Variants in LRRC37A observed in about 807,000 individuals in gnomAD.
The protein encoded by LRRC37A is leucine rich repeat containing 37A.
Under a neutral mutation model 35.4 loss-of-function variants are expected in LRRC37A, and 3 were observed. That is an observed-to-expected ratio of 0.08 (90% CI 0.04 to 0.22). The LOEUF (loss-of-function observed/expected upper bound fraction) is 0.22. Ranked by LOEUF, LRRC37A falls within the 10% of genes least tolerant of loss-of-function variation. The probability of loss-of-function intolerance (pLI) is 1.00; values close to 1 mark genes in which losing one functional copy is unlikely to be tolerated. For synonymous variants in LRRC37A, 23 were observed against 215.0 expected (o/e 0.11, Z 7.81); for missense variants, 67 against 565.3 (o/e 0.12, Z 8.94).
At chr17:46,283,655 G>A in the LRRC37A span, among the ~76,000 whole-genome samples, 33 of 152,282 alleles carry the variant, frequency 2.2e-4, no homozygotes, top group Middle Eastern at 3.4e-3. Flanking sequence ...GGTGTTTCTC[G>A]TTAAGTGGAA....
chr17:46,257,101 C>T, the LRRC37A span, among the ~76,000 whole-genome samples: 2 of 152,130 alleles, frequency 1.3e-5, no homozygotes, highest in Non-Finnish European at 2.9e-5. Flanking sequence ...CTCAGTTACT[C>T]ATCTGTAAAA....
the LRRC37A span, among the ~76,000 whole-genome samples, chr17:46,263,864 A>G: frequency 6.6e-6 from 1 of 150,982 alleles, no homozygotes; most frequent in African/African-American, 2.4e-5. Context: ...CAAAAAAAAA[A>G]AAAAAAAAAA....
At chr17:46,256,043 G>A in the LRRC37A span, among the ~76,000 whole-genome samples, 3 of 152,122 alleles carry the variant, frequency 2.0e-5, no homozygotes, top group Admixed American at 6.6e-5. Flanking sequence ...GGGCCTTTGG[G>A]ACGTAATTAG....
the LRRC37A span, among the ~76,000 whole-genome samples, chr17:46,278,965 T>G: frequency 6.6e-6 from 1 of 151,876 alleles, no homozygotes; most frequent in Admixed American, 6.6e-5. Context: ...GCCTAGCTAA[T>G]TTTTGTATTT....
chr17:46,280,569 C>CTTTTTTTTTT, the LRRC37A span, among the ~76,000 whole-genome samples: 3 of 112,012 alleles, frequency 2.7e-5, 1 homozygote, highest in Non-Finnish European at 1.7e-5. Flanking sequence ...TGATAGCACA[C>CTTTTTTTTTT]TTTTTTTTTT....
intron 5 of LRRC37A, among the ~76,000 whole-genome samples, chr17:46,314,458 C>A (rs2050960025): frequency 1.2e-5 from 1 of 81,422 alleles, no homozygotes; most frequent in African/African-American, 3.2e-5. Context: ...TCAGGTGACG[C>A]CATTGCACTC....
At chr17:46,266,773 G>T in the LRRC37A span, among the ~76,000 whole-genome samples, 1 of 152,158 alleles carries the variant, frequency 6.6e-6, no homozygotes, top group Middle Eastern at 3.4e-3. Context: ...CTCAGCCGCC[G>T]GCCGACAACC....
At chr17:46,286,455 T>C in the LRRC37A span, among the ~76,000 whole-genome samples, 2 of 152,258 alleles carry the variant, frequency 1.3e-5, no homozygotes, top group Non-Finnish European at 2.9e-5. Context: ...CCCAAATTAG[T>C]GTTTTTCTAA....
At chr17:46,256,744 T>C in the LRRC37A span, among the ~76,000 whole-genome samples, 2 of 152,148 alleles carry the variant, frequency 1.3e-5, no homozygotes, top group African/African-American at 4.8e-5. Flanking sequence ...CTTAGCAGGC[T>C]CTTGACCCTA....
chr17:46,263,746 T>C, the LRRC37A span, among the ~76,000 whole-genome samples: 3 of 149,418 alleles, frequency 2.0e-5, no homozygotes, highest in African/African-American at 7.5e-5. Context: ...CCCAGCTACC[T>C]GGGAGGCTGA....
the LRRC37A span, among the ~76,000 whole-genome samples, chr17:46,248,992 T>C: frequency 2.6e-5 from 4 of 151,826 alleles, no homozygotes; most frequent in East Asian, 3.9e-4. Flanking sequence ...ATAAAAACAG[T>C]AGAAAATTTA....
chr17:46,278,970 G>T, the LRRC37A span, among the ~76,000 whole-genome samples: 1 of 151,866 alleles, frequency 6.6e-6, no homozygotes, highest in African/African-American at 2.4e-5. Context: ...GCTAATTTTT[G>T]TATTTTTAGT....
At chr17:46,282,297 G>T in the LRRC37A span, among the ~76,000 whole-genome samples, 19,790 of 151,314 alleles carry the variant, frequency 0.13, 50 homozygotes, top group Middle Eastern at 0.2. Flanking sequence ...TAGAGACGGG[G>T]TTTCACCGTG....
chr17:46,261,809 G>T, the LRRC37A span, among the ~76,000 whole-genome samples: 2 of 151,804 alleles, frequency 1.3e-5, no homozygotes, highest in African/African-American at 4.8e-5. Context: ...TGATAAAACC[G>T]GGTTATACTT....
At chr17:46,273,385 T>A in the LRRC37A span, among the ~76,000 whole-genome samples, 1 of 152,246 alleles carries the variant, frequency 6.6e-6, no homozygotes, top group African/African-American at 2.4e-5. Flanking sequence ...TAGGTTTAAG[T>A]GACATCTTCA....
chr17:46,332,515 C>G (rs2052021102), intron 9 of LRRC37A, 37 bp from the exon 10 acceptor site: 1 of 1,381,028 alleles, frequency 7.2e-7, no homozygotes, highest in South Asian at 1.2e-5. Context: ...ATAGTTAGCT[C>G]TCATTCTGGT....
chr17:46,265,477 CTTCT>C, the LRRC37A span, among the ~76,000 whole-genome samples: 1 of 116,872 alleles, frequency 8.6e-6, no homozygotes, highest in African/African-American at 2.6e-5. Context: ...CCTTCTTCTT[CTTCT>C]TTCTTTTTTT....
At chr17:46,253,875 T>C in the LRRC37A span, among the ~76,000 whole-genome samples, 5 of 152,202 alleles carry the variant, frequency 3.3e-5, no homozygotes, top group African/African-American at 4.8e-5. Flanking sequence ...TATTGTAATT[T>C]ACAAGCTGTG....
At chr17:46,280,101 G>A in the LRRC37A span, among the ~76,000 whole-genome samples, 2 of 152,180 alleles carry the variant, frequency 1.3e-5, no homozygotes, top group Non-Finnish European at 1.5e-5. Context: ...GGCCAGGCGC[G>A]GTGGCTCACA....
Sources: allele counts gnomAD v4.1 joint callset (sites outside exome capture counted in the v4.1 genomes callset), GRCh38; gene constraint gnomAD v4.1.1; transcripts MANE v1.5; gene names NCBI Gene and HGNC (gene_info 2026-07-23, HGNC 2026-07-21).